The following STMN4 variants were observed in gnomAD, a reference collection of about 807,000 sequenced individuals.
STMN4 encodes the protein stathmin 4, also known as stathmin-4.
Under a neutral mutation model 29.1 loss-of-function variants are expected in STMN4, and 12 were observed. The ratio of observed to expected loss-of-function variants is 0.41; its 90% CI spans 0.26 to 0.67. The LOEUF is 0.67. Ranked by LOEUF, STMN4 falls within the 30% of genes least tolerant of loss-of-function variation. STMN4 has a pLI of 0.30. For synonymous variants in STMN4, 114 were observed against 105.3 expected, an observed-to-expected ratio of 1.08 and a Z score of -0.51; for missense variants, 181 against 262.8, an observed-to-expected ratio of 0.69 and a Z score of 2.15.
intron 5 of STMN4, among the ~76,000 whole-genome samples, 161 bp downstream of exon 5, chr8:27,240,893 T>A (rs1318708627): frequency 1.3e-5 from 2 of 152,174 alleles, no homozygotes; most frequent in Non-Finnish European, 2.9e-5. Flanking sequence ...GTTCTTTGTT[T>A]CCCTCAATGG....
chr8:27,246,538 C>T (rs1801628463), intron 1 of STMN4, among the ~76,000 whole-genome samples: 2 of 152,178 alleles, frequency 1.3e-5, no homozygotes, highest in Admixed American at 1.3e-4. Context: ...ATCCTAACTC[C>T]TACAACCTGT....
chr8:27,242,381 C>A lies in STMN4; in HGVS notation c.109+16G>T. 6.2e-7 allele frequency: 1 copy of A among 1,614,038 alleles called. No homozygotes were observed. Among genetic ancestry groups the A allele is most frequent in the East Asian group, 2.2e-5 (1 of 44,872 alleles). Reference sequence around the variant, plus strand: ...GCCCCCCCGCCCCTCACTTTCCTGGCTGAGCCTTCACTGACCTTCATATTT... The same window carrying A: ...GCCCCCCCGCCCCTCACTTTCCTGGATGAGCCTTCACTGACCTTCATATTT... On this transcript the variant is annotated intron_variant, in intron 3 of 6. Transcript: ENST00000350889.
At chr8:27,248,507 A>G (rs953989677) in intron 1 of STMN4, among the ~76,000 whole-genome samples, 15 of 152,204 alleles carry the variant, frequency 9.9e-5, no homozygotes, top group African/African-American at 3.6e-4. Context: ...CCTCTGGACC[A>G]GTGAAGGACT....
intron 1 of STMN4, among the ~76,000 whole-genome samples, chr8:27,249,324 C>A (rs961040147): frequency 1.3e-5 from 2 of 152,140 alleles, no homozygotes; most frequent in Non-Finnish European, 2.9e-5. Context: ...CCATGGTTCT[C>A]GACTCAGTGC....
At chr8:27,255,655 A>G (rs1444022072) in intron 1 of STMN4, among the ~76,000 whole-genome samples, 1 of 152,064 alleles carries the variant, frequency 6.6e-6, no homozygotes, top group Non-Finnish European at 1.5e-5. Flanking sequence ...CTGCTCAAAT[A>G]CCCTATTCTC....
At chr8:27,236,965 A>G in intron 6 of STMN4, 60 bp from the exon 7 acceptor site, 1 of 1,560,624 alleles carries the variant, frequency 6.4e-7, no homozygotes, top group East Asian at 2.3e-5. Context: ...ACAAAAAGGG[A>G]GGCCAAGGGG....
chr8:27,256,403 T>A (rs535677668), intron 1 of STMN4, among the ~76,000 whole-genome samples: 3 of 152,338 alleles, frequency 2.0e-5, no homozygotes, highest in African/African-American at 7.2e-5. Context: ...GACTATCTAT[T>A]GGGAGTTTTT....
intron 6 of STMN4, 156 bp downstream of exon 6, chr8:27,239,815 C>T: frequency 6.5e-7 from 1 of 1,543,452 alleles, no homozygotes; most frequent in Non-Finnish European, 8.7e-7. Flanking sequence ...CCCTGATCAT[C>T]CTTCGGAACT....
intron 5 of STMN4, 90 bp from the exon 6 acceptor site, chr8:27,240,252 G>A: frequency 7.1e-7 from 1 of 1,416,924 alleles, no homozygotes; most frequent in Non-Finnish European, 9.6e-7. Context: ...TGCACACTCA[G>A]AACACTCACC....
intron 1 of STMN4, among the ~76,000 whole-genome samples, chr8:27,244,140 G>T (rs535390153): frequency 6.6e-5 from 10 of 152,296 alleles, no homozygotes; most frequent in Non-Finnish European, 4.4e-5. Context: ...CCAATTCAAG[G>T]GTTAGGGTGA....
rs1190993677 is a variant in STMN4 at position 27,236,795 on chromosome 8, G to T, written c.*51C>A. On this transcript the variant is annotated 3_prime_UTR_variant, in exon 7 of 7. Coordinates refer to ENST00000350889, the MANE Select transcript of STMN4 (RefSeq NM_030795.4). ...GGCGGGCGAGGCTGCCTGGAACGTG[G>T]AGCTGCTGGAGCTGTCCGGCTGACC... 1 of 1,512,916 alleles carries T rather than the reference G, an allele frequency of 6.6e-7. No individual in the cohort carries two copies. Among genetic ancestry groups the T allele is most frequent in the African/African-American group, 1.4e-5 (1 of 71,338 alleles). 93.7% of individuals were successfully genotyped at this position (1,512,916 alleles called of 1,614,324 possible).
intron 2 of STMN4, 30 bp downstream of exon 2, chr8:27,243,681 C>A: frequency 6.2e-7 from 1 of 1,605,456 alleles, no homozygotes; most frequent in Non-Finnish European, 8.5e-7. Context: ...GAATAGCCTA[C>A]GCCCCTTAAC....
intron 3 of STMN4, 78 bp from the exon 4 acceptor site, chr8:27,241,835 T>C: frequency 6.4e-7 from 1 of 1,556,402 alleles, no homozygotes; most frequent in African/African-American, 1.4e-5. Context: ...CCATCTCTGC[T>C]TCTAACCAGG....
chr8:27,238,285 T>C (rs1237686537), intron 6 of STMN4, among the ~76,000 whole-genome samples: 1 of 152,156 alleles, frequency 6.6e-6, no homozygotes, highest in Non-Finnish European at 1.5e-5. Context: ...GCAGGCATTG[T>C]TGAAGGTGTC....
intron 3 of STMN4, 164 bp downstream of exon 3, chr8:27,242,233 T>G: frequency 1.4e-6 from 1 of 711,046 alleles, no homozygotes; most frequent in East Asian, 2.7e-5. Flanking sequence ...GCTGGACCAC[T>G]GCAGCTCAGA....
At chr8:27,250,736 G>A (rs943095222) in intron 1 of STMN4, among the ~76,000 whole-genome samples, 20 of 152,154 alleles carry the variant, frequency 1.3e-4, no homozygotes, top group African/African-American at 3.4e-4. Flanking sequence ...ACCTGGACAA[G>A]GGCAACTCCC....
At chr8:27,248,085 C>A (rs1003737351) in intron 1 of STMN4, among the ~76,000 whole-genome samples, 5 of 152,358 alleles carry the variant, frequency 3.3e-5, no homozygotes, top group Middle Eastern at 3.4e-3. Flanking sequence ...GGCCCTCCAG[C>A]TCCTGCCTGG....
At chr8:27,242,926 T>G (rs1332501118) in intron 2 of STMN4, among the ~76,000 whole-genome samples, 1 of 152,178 alleles carries the variant, frequency 6.6e-6, no homozygotes, top group East Asian at 1.9e-4. Flanking sequence ...CCTGCAGGGT[T>G]AAGGAGCTGG....
chr8:27,247,525 G>A (rs1432954354), intron 1 of STMN4, among the ~76,000 whole-genome samples: 1 of 152,202 alleles, frequency 6.6e-6, no homozygotes, highest in Non-Finnish European at 1.5e-5. Flanking sequence ...CGCCCAGTGG[G>A]GCCAGTCACA....
Sources: allele counts gnomAD v4.1 joint callset (sites outside exome capture counted in the v4.1 genomes callset), GRCh38; gene constraint gnomAD v4.1.1; transcripts MANE v1.5; gene names NCBI Gene and HGNC (gene_info 2026-07-23, HGNC 2026-07-21).